GSE1: variants seen among roughly 807,000 people sequenced by gnomAD.
The protein encoded by GSE1 is Gse1 coiled-coil protein, also known as genetic suppressor element 1.
A neutral mutation model predicts 112.6 loss-of-function variants in GSE1; 32 were observed. The observed-to-expected ratio is 0.28, with a 90% CI of 0.21 to 0.38. GSE1 has a LOEUF of 0.38. Ranked by LOEUF, GSE1 falls within the 10% of genes least tolerant of loss-of-function variation. The pLI is 1.00. For synonymous variants in GSE1, 1,115 were observed against 735.6 expected, an observed-to-expected ratio of 1.52 and a Z score of -8.35; for missense variants, 2,348 against 1,699.2, an observed-to-expected ratio of 1.38 and a Z score of -6.71.
chr16:85,235,166 G>T (rs1407555759), intron 1 of GSE1, among the ~76,000 whole-genome samples: 1 of 152,100 alleles, frequency 6.6e-6, no homozygotes, highest in Non-Finnish European at 1.5e-5. Context: ...CGAAATAGGG[G>T]TGTCCTTTCT....
chr16:85,199,208 C>T (rs1434309752), intron 1 of GSE1, among the ~76,000 whole-genome samples: 4 of 152,152 alleles, frequency 2.6e-5, no homozygotes, highest in African/African-American at 4.8e-5. Context: ...CCGCCCGCCT[C>T]GGCTTCTCAG....
At chr16:85,399,309 C>A (rs1345182055) in intron 2 of GSE1, among the ~76,000 whole-genome samples, 1 of 152,222 alleles carries the variant, frequency 6.6e-6, no homozygotes, top group Non-Finnish European at 1.5e-5. Context: ...TCTCAGGCCG[C>A]CCCGAGTGGG....
chr16:85,237,336 GAATA>G (rs1409087161), intron 1 of GSE1, among the ~76,000 whole-genome samples: 1 of 151,876 alleles, frequency 6.6e-6, no homozygotes, highest in Non-Finnish European at 1.5e-5. Context: ...ATAAATGAAT[GAATA>G]AATAAATAAA....
At chr16:85,642,059 C>T (rs1046241578) in intron 2 of GSE1, among the ~76,000 whole-genome samples, 1 of 152,270 alleles carries the variant, frequency 6.6e-6, no homozygotes, top group Non-Finnish European at 1.5e-5. Flanking sequence ...GGCTGAGGGC[C>T]CAGCTGGCAT....
intron 1 of GSE1, among the ~76,000 whole-genome samples, chr16:85,591,634 G>C (rs1303343521): frequency 6.6e-6 from 1 of 152,256 alleles, no homozygotes; most frequent in African/African-American, 2.4e-5. Context: ...GGCTGGGGGT[G>C]CTGGGGGCTC....
intron 2 of GSE1, among the ~76,000 whole-genome samples, chr16:85,468,892 C>G (rs2050202608): frequency 6.6e-6 from 1 of 152,228 alleles, no homozygotes; most frequent in Admixed American, 6.5e-5. Context: ...AGAATGTGAA[C>G]TTATTTGGAA....
chr16:85,567,809 A>G (rs1821296539), intron 1 of GSE1, among the ~76,000 whole-genome samples: 1 of 151,988 alleles, frequency 6.6e-6, no homozygotes, highest in South Asian at 2.1e-4. Context: ...TGCAGCCTCT[A>G]CCTCTTGGGC....
At chr16:85,575,745 G>A (rs1363532072) in intron 1 of GSE1, among the ~76,000 whole-genome samples, 2 of 152,062 alleles carry the variant, frequency 1.3e-5, no homozygotes, top group African/African-American at 4.8e-5. Flanking sequence ...AGGTTGAACT[G>A]TCATTAATAG....
At chr16:85,241,026 G>A (rs934335537) in intron 1 of GSE1, among the ~76,000 whole-genome samples, 2 of 152,162 alleles carry the variant, frequency 1.3e-5, no homozygotes, top group African/African-American at 4.8e-5. Context: ...GGAGGAGGCC[G>A]TTTCCATCTT....
chr16:85,363,843 C>G (rs748311902), intron 2 of GSE1, among the ~76,000 whole-genome samples: 17 of 152,160 alleles, frequency 1.1e-4, no homozygotes, highest in Non-Finnish European at 2.2e-4. Flanking sequence ...GCAGAAGACA[C>G]AGCATGCCCT....
At chr16:85,535,874 C>T (rs915427076) in intron 2 of GSE1, among the ~76,000 whole-genome samples, 1 of 152,248 alleles carries the variant, frequency 6.6e-6, no homozygotes, top group Non-Finnish European at 1.5e-5. Flanking sequence ...CTGTCCGGCC[C>T]TACCTCTACC....
chr16:85,265,670 A>G (rs1908161361), intron 1 of GSE1, among the ~76,000 whole-genome samples: 1 of 152,076 alleles, frequency 6.6e-6, no homozygotes, highest in African/African-American at 2.4e-5. Context: ...AGGCACTGAA[A>G]GACCATGTGT....
At chr16:85,287,450 G>A (rs1420831076) in intron 1 of GSE1, among the ~76,000 whole-genome samples, 2 of 151,968 alleles carry the variant, frequency 1.3e-5, no homozygotes, top group African/African-American at 4.8e-5. Context: ...CCACACCCCC[G>A]CCTCTGGCTT....
chr16:85,648,672 G>C lies in GSE1; in HGVS notation c.347G>C (p.Ser116Thr), dbSNP rs371934256. The change falls in exon 3 of 16, where the codon AGC becomes ACC. Residue 116 changes from serine to threonine, a missense_variant. Transcript: ENST00000253458. ...ATCATCGTCCCCCCTGGGGGCCACA[G>C]CGTGCCCAGCACCCCCCCCGTGGTG... is the stretch of plus-strand genomic sequence containing the variant. The part of the protein sequence containing the change: ...GPIIVPPGGH[S>T]VPSTPPVVTI... The C allele has an allele frequency of 1.9e-6, 3 of 1,604,766 alleles. No homozygotes were observed. Among genetic ancestry groups the C allele is most frequent in the Non-Finnish European group, 2.6e-6 (3 of 1,173,936 alleles).
At chr16:85,420,708 C>T (rs1436207107) in intron 2 of GSE1, among the ~76,000 whole-genome samples, 1 of 152,240 alleles carries the variant, frequency 6.6e-6, no homozygotes, top group African/African-American at 2.4e-5. Flanking sequence ...CGTCAGCACT[C>T]TCAGGGGTGG....
In GSE1 at chr16:85,656,648, T is replaced by A. The variant is rs1181151319; in HGVS notation, c.1295T>A (p.Leu432Gln). The part of the protein sequence containing the change: ...TEERGKPSEQ[L>Q]TPTRAEKLKD... ...GAGCGGGGCAAGCCCTCGGAGCAGCTGACCCCAACCCGAGCAGGTACCTGG... is the reference window on the plus strand; with the variant it reads ...GAGCGGGGCAAGCCCTCGGAGCAGCAGACCCCAACCCGAGCAGGTACCTGG... The change falls in exon 7 of 16, where the codon CTG becomes CAG. Residue 432 changes from leucine (L) to glutamine (Q), a missense_variant. Coordinates refer to ENST00000253458, the MANE Select transcript of GSE1 (RefSeq NM_014615.5). 1 of 1,527,654 alleles carries A rather than the reference T, an allele frequency of 6.5e-7. No individual in the cohort carries two copies. Among genetic ancestry groups the A allele is most frequent in the Non-Finnish European group, 8.8e-7 (1 of 1,135,824 alleles). 94.6% of individuals were successfully genotyped at this position (1,527,654 alleles called of 1,614,324 possible).
At chr16:85,345,017 C>T (rs1388733593) in intron 1 of GSE1, among the ~76,000 whole-genome samples, 4 of 152,216 alleles carry the variant, frequency 2.6e-5, no homozygotes, top group South Asian at 2.1e-4. Flanking sequence ...TCCTCCCTGA[C>T]GGGTTTTGCC....
intron 2 of GSE1, among the ~76,000 whole-genome samples, chr16:85,460,078 G>C (rs753602867): frequency 1.4e-4 from 22 of 152,298 alleles, no homozygotes; most frequent in Non-Finnish European, 2.5e-4. Context: ...CCTGGCCTCC[G>C]ATGAGCAAGG....
chr16:85,672,764 CCA>C lies in GSE1; in HGVS notation c.*228_*229del, dbSNP rs979286411. On this transcript the variant is annotated 3_prime_UTR_variant, in exon 16 of 16. Transcript: ENST00000253458. ...CAGCGAGCAACCAATGTAGGATTGCCCACAGTTTTTCTTTTTAAAGGTGGTTT... is the reference window on the plus strand; with the variant it reads ...CAGCGAGCAACCAATGTAGGATTGCCCAGTTTTTCTTTTTAAAGGTGGTTT... 11 of 361,500 alleles carry C rather than the reference CCA, an allele frequency of 3.0e-5. No individual in the cohort carries two copies. Among genetic ancestry groups the C allele is most frequent in the Admixed American group, 1.3e-4 (3 of 23,752 alleles). The allele number at this position is 361,500 out of a possible 1,614,324, so 22.4% of individuals were successfully genotyped here.
Sources: allele counts gnomAD v4.1 joint callset (sites outside exome capture counted in the v4.1 genomes callset), GRCh38; gene constraint gnomAD v4.1.1; transcripts MANE v1.5; gene names NCBI Gene and HGNC (gene_info 2026-07-23, HGNC 2026-07-21).